Variants in TMEM260 observed in about 807,000 individuals in gnomAD.
TMEM260 encodes protein O-mannosyl-transferase TMEM260.
A neutral mutation model predicts 88.9 loss-of-function variants in TMEM260; 82 were observed. The observed-to-expected ratio is 0.92, with a 90% CI of 0.77 to 1.11. The LOEUF (loss-of-function observed/expected upper bound fraction) is 1.11, where lower values mean the gene tolerates loss of function less well. Ranked by LOEUF, TMEM260 falls within the 50% of genes least tolerant of loss-of-function variation. The pLI is 0.00. For synonymous variants in TMEM260, 314 were observed against 309.3 expected, an observed-to-expected ratio of 1.02 and a Z score of -0.16; for missense variants, 902 against 853.4, an observed-to-expected ratio of 1.06 and a Z score of -0.71.
the TMEM260 span, among the ~76,000 whole-genome samples, chr14:56,661,489 G>C: frequency 8.5e-6 from 1 of 117,406 alleles, no homozygotes; most frequent in South Asian, 2.9e-4. Context: ...GTTGGTGAAA[G>C]AAAGAAAAAG....
chr14:56,657,141 C>T, the TMEM260 span, among the ~76,000 whole-genome samples: 18 of 152,240 alleles, frequency 1.2e-4, no homozygotes, highest in East Asian at 1.9e-4. Context: ...CTTCTGCAGG[C>T]GCTTGGAGGA....
chr14:56,647,087 C>T (rs568312875), intron 15 of TMEM260, among the ~76,000 whole-genome samples, 156 bp from the exon 16 acceptor site: 75 of 151,900 alleles, frequency 4.9e-4, no homozygotes, highest in African/African-American at 1.8e-3. Flanking sequence ...CAGTAACATT[C>T]TTGGGTTCTC....
rs1886726103 is a variant in TMEM260 at position 56,603,867 on chromosome 14, T to C, written c.397T>C (p.Ser133Pro). ...CCTTGCTGCGGGGGTGTTTTCATTT[T>C]CTCGTCTAACATGGCAGTGGTCCAT... ...GILAAGVFSF[S>P]RLTWQWSIAA... The change falls in exon 4 of 16, where the codon TCT becomes CCT. Residue 133 changes from serine to proline, a missense_variant. Physicochemically the swap from Ser to Pro is moderately conservative, Grantham distance 74 (BLOSUM62 -1). Coordinates refer to ENST00000261556, the MANE Select transcript of TMEM260 (RefSeq NM_017799.4). The C allele has an allele frequency of 6.2e-7, 1 of 1,614,016 alleles. No homozygotes were observed. Among genetic ancestry groups the C allele is most frequent in the Non-Finnish European group, 8.5e-7 (1 of 1,179,882 alleles).
At chr14:56,589,542 A>G (rs549272264) in intron 3 of TMEM260, among the ~76,000 whole-genome samples, 2 of 152,180 alleles carry the variant, frequency 1.3e-5, no homozygotes. Flanking sequence ...ACTTCCTAAC[A>G]TCATTAATAT....
chr14:56,596,619 C>T, intron 3 of TMEM260, among the ~76,000 whole-genome samples: 1 of 149,928 alleles, frequency 6.7e-6, no homozygotes. Context: ...CAAAATTAGC[C>T]AGGCGTGGTG....
intron 15 of TMEM260, among the ~76,000 whole-genome samples, chr14:56,642,166 G>C (rs146748893): frequency 3.9e-5 from 6 of 152,094 alleles, no homozygotes; most frequent in South Asian, 4.1e-4. Context: ...ACCTAATAGA[G>C]ATCTACAGAA....
chr14:56,627,671 G>A (rs1449901945), intron 12 of TMEM260, among the ~76,000 whole-genome samples: 1 of 152,206 alleles, frequency 6.6e-6, no homozygotes, highest in Non-Finnish European at 1.5e-5. Flanking sequence ...CCCCCAAAGG[G>A]ATGGACCATC....
At chr14:56,583,821 T>C (rs1220580859) in intron 1 of TMEM260, among the ~76,000 whole-genome samples, 2 of 151,708 alleles carry the variant, frequency 1.3e-5, no homozygotes, top group African/African-American at 4.8e-5. Context: ...AGAGAAACAG[T>C]GGGTAATAAG....
At chr14:56,601,355 T>C (rs1046911246) in intron 3 of TMEM260, among the ~76,000 whole-genome samples, 2 of 152,174 alleles carry the variant, frequency 1.3e-5, no homozygotes, top group African/African-American at 4.8e-5. Context: ...AACACATTTC[T>C]GCAGGAATGT....
the TMEM260 span, among the ~76,000 whole-genome samples, chr14:56,662,731 C>A: frequency 6.6e-6 from 1 of 152,358 alleles, no homozygotes; most frequent in Admixed American, 6.5e-5. Flanking sequence ...ATGAGTGTAT[C>A]TGAATGGCCG....
chr14:56,630,052 AAG>A (rs1888487868), intron 12 of TMEM260, among the ~76,000 whole-genome samples: 3 of 151,856 alleles, frequency 2.0e-5, no homozygotes, highest in African/African-American at 4.8e-5. Context: ...GAAAAAAAAA[AAG>A]AAGAAAAAAA....
intron 11 of TMEM260, among the ~76,000 whole-genome samples, 162 bp downstream of exon 11, chr14:56,621,864 T>C (rs111887891): frequency 6.6e-6 from 1 of 152,192 alleles, no homozygotes; most frequent in South Asian, 2.1e-4. Context: ...TATATGGGCA[T>C]ACTTTTTTTT....
At chr14:56,612,000 GGAAT>G (rs1327381678) in intron 6 of TMEM260, among the ~76,000 whole-genome samples, 1 of 151,948 alleles carries the variant, frequency 6.6e-6, no homozygotes, top group East Asian at 1.9e-4. Context: ...GTAGGAGGAG[GGAAT>G]GGATTAAAAA....
intron 1 of TMEM260, among the ~76,000 whole-genome samples, chr14:56,580,473 G>T (rs1014485912): frequency 6.6e-6 from 1 of 152,212 alleles, no homozygotes; most frequent in Admixed American, 6.5e-5. Context: ...TTCCAGTGCG[G>T]TTAGACAATA....
At chr14:56,598,098 G>A (rs994645430) in intron 3 of TMEM260, among the ~76,000 whole-genome samples, 1 of 152,090 alleles carries the variant, frequency 6.6e-6, no homozygotes, top group African/African-American at 2.4e-5. Context: ...TCAGTTTGTG[G>A]TTAGCAGTTG....
chr14:56,593,230 C>G (rs1885974964), intron 3 of TMEM260: 1 of 152,154 alleles, frequency 6.6e-6, no homozygotes, highest in Admixed American at 6.5e-5. Context: ...ATGGTTTAAG[C>G]AGAGAATTCT....
At chr14:56,604,030 T>C in intron 4 of TMEM260, 38 bp downstream of exon 4, 1 of 1,509,206 alleles carries the variant, frequency 6.6e-7, no homozygotes, top group Non-Finnish European at 8.8e-7. Context: ...AGTTTTTGTT[T>C]TAATTTTTAG....
At chr14:56,603,000 G>A (rs182122985) in intron 3 of TMEM260, among the ~76,000 whole-genome samples, 264 of 152,244 alleles carry the variant, frequency 1.7e-3, no homozygotes, top group Non-Finnish European at 2.1e-3. Flanking sequence ...CATAGTTTTA[G>A]ATTAATAAGG....
intron 11 of TMEM260, among the ~76,000 whole-genome samples, chr14:56,623,348 C>CCAAAA (rs1258893293): frequency 6.6e-6 from 1 of 152,064 alleles, no homozygotes; most frequent in Admixed American, 6.5e-5. Flanking sequence ...ATGCCCAGTT[C>CCAAAA]CAAACATCAC....
Sources: allele counts gnomAD v4.1 joint callset (sites outside exome capture counted in the v4.1 genomes callset), GRCh38; gene constraint gnomAD v4.1.1; transcripts MANE v1.5; gene names NCBI Gene and HGNC (gene_info 2026-07-23, HGNC 2026-07-21).